The following TK2 variants were observed in gnomAD, a reference collection of about 807,000 sequenced individuals.
The protein encoded by TK2 is thymidine kinase 2, mitochondrial.
Under a neutral mutation model 41.9 loss-of-function variants are expected in TK2, and 35 were observed. The observed-to-expected ratio is 0.84, with a 90% CI of 0.64 to 1.11. The LOEUF (loss-of-function observed/expected upper bound fraction) is 1.11, where lower values mean the gene tolerates loss of function less well. TK2 is among the 50% of genes least tolerant of loss of function. The pLI is 0.00. For synonymous variants in TK2, 128 were observed against 129.1 expected, an observed-to-expected ratio of 0.99 and a Z score of 0.06; for missense variants, 320 against 351.1, an observed-to-expected ratio of 0.91 and a Z score of 0.71.
chr16:66,535,875 T>C (rs1309109935), intron 4 of TK2, among the ~76,000 whole-genome samples: 2 of 152,208 alleles, frequency 1.3e-5, no homozygotes, highest in African/African-American at 2.4e-5. Flanking sequence ...CAGAGTCTAA[T>C]GAACCACACA....
At chr16:66,549,410 G>A in intron 1 of TK2, 3 of 1,091,908 alleles carry the variant, frequency 2.7e-6, no homozygotes, top group Non-Finnish European at 3.3e-6. Flanking sequence ...GCCCAGGGCG[G>A]GCATCGCTGC....
chr16:66,530,742 G>C lies in TK2; in HGVS notation c.375+638C>G, dbSNP rs532845042. Reference sequence around the variant, plus strand: ...TTTCTTTTTTTTTTTTTTTGAGACAGAGTCTCACTCTGTCACCCAGGCTGG... The same window carrying C: ...TTTCTTTTTTTTTTTTTTTGAGACACAGTCTCACTCTGTCACCCAGGCTGG... On this transcript the variant is annotated intron_variant, in intron 5 of 9. Coordinates refer to ENST00000544898, the MANE Select transcript of TK2 (RefSeq NM_004614.5). Among the ~76,000 whole-genome samples, 12 of 148,812 alleles carry C rather than the reference G, an allele frequency of 8.1e-5. No individual in the cohort carries two copies. In the East Asian group the frequency reaches 2.4e-3, roughly 29 times the overall value.
chr16:66,517,047 T>G lies in TK2; in HGVS notation c.618+89A>C. On this transcript the variant is annotated intron_variant, in intron 8 of 9. Transcript: ENST00000544898. The surrounding 1 kb of genome is among the most constrained non-coding windows in gnomAD (Gnocchi z 4.3). The stretch of plus-strand genomic sequence containing the variant: ...CTCTCTGCAAACAAGGGCACAATGA[T>G]CTCATGGGGGTGGGGCCGGGAGAGG... 1 of 1,098,922 alleles carries G rather than the reference T, an allele frequency of 9.1e-7. No homozygotes were observed. Among genetic ancestry groups the G allele is most frequent in the East Asian group, 2.4e-5 (1 of 42,410 alleles). 68.1% of individuals were successfully genotyped at this position (1,098,922 alleles called of 1,614,324 possible). A position where few individuals can be genotyped will look rare whatever the true frequency, so the allele number is the denominator to read the frequency against.
At chr16:66,516,646 T>A (rs1350086149) in intron 8 of TK2, among the ~76,000 whole-genome samples, 2 of 151,950 alleles carry the variant, frequency 1.3e-5, no homozygotes, top group African/African-American at 4.8e-5. Flanking sequence ...TGAGCAGAAC[T>A]CAGAAGGGCA....
At chr16:66,544,386 C>T (rs1965543463) in intron 2 of TK2, among the ~76,000 whole-genome samples, 1 of 152,216 alleles carries the variant, frequency 6.6e-6, no homozygotes, top group African/African-American at 2.4e-5. Flanking sequence ...AATCCCAATA[C>T]TAAGAGATAA....
rs1008736835 is a variant in TK2 at position 66,510,050 on chromosome 16, A to C, written c.*1918T>G. On this transcript the variant is annotated 3_prime_UTR_variant, in exon 10 of 10. Coordinates refer to ENST00000544898, the MANE Select transcript of TK2 (RefSeq NM_004614.5). Reference sequence around the variant, plus strand: ...GGAGTTTGAAAAATAAAAACACGTTAATCTACTGGCAAAAGCAGCTGGCAG... The same window carrying C: ...GGAGTTTGAAAAATAAAAACACGTTCATCTACTGGCAAAAGCAGCTGGCAG... The C allele has an allele frequency of 1.3e-5, 2 of 152,182 alleles. No homozygotes were observed. Among genetic ancestry groups the C allele is most frequent in the African/African-American group, 2.4e-5 (1 of 41,426 alleles). 9.4% of individuals were successfully genotyped at this position (152,182 alleles called of 1,614,324 possible).
chr16:66,511,651 G>C lies in TK2; in HGVS notation c.*317C>G, dbSNP rs539934078. On this transcript the variant is annotated 3_prime_UTR_variant, in exon 10 of 10. Coordinates refer to ENST00000544898, the MANE Select transcript of TK2 (RefSeq NM_004614.5). ...GATTGGTACACAGCTCCAGCGTGGT[G>C]TCAGGCACACAACAGGTGCTCTCCC... 79 of 441,850 alleles carry C rather than the reference G, an allele frequency of 1.8e-4. 2 individuals are homozygous for C. The highest frequency in any genetic ancestry group is 1.6e-3 in the South Asian group (79 of 48,048). The allele number at this position is 441,850 out of a possible 1,614,324, so 27.4% of individuals were successfully genotyped here.
chr16:66,534,243 C>G (rs973834949), intron 4 of TK2, among the ~76,000 whole-genome samples: 1 of 152,074 alleles, frequency 6.6e-6, no homozygotes, highest in Non-Finnish European at 1.5e-5. Flanking sequence ...CCCCTTCAAC[C>G]CTGGACTTCT....
intron 6 of TK2, among the ~76,000 whole-genome samples, chr16:66,520,323 C>G (rs1567527837): frequency 6.6e-6 from 1 of 152,166 alleles, no homozygotes; most frequent in East Asian, 1.9e-4. Flanking sequence ...GTAGCCCATT[C>G]TTTATTCAGG....
chr16:66,544,050 CTTT>C (rs1965534635), intron 2 of TK2, among the ~76,000 whole-genome samples: 2 of 152,166 alleles, frequency 1.3e-5, no homozygotes. Flanking sequence ...ACTCTACAGT[CTTT>C]TTTCTTTCCT....
rs1459759920 is a variant in TK2 at position 66,511,952 on chromosome 16, A to G, written c.*16T>C. The stretch of plus-strand genomic sequence containing the variant: ...AGCAGGCATTTTTCAGACATGAGCC[A>G]TAGACCTTTTGCCTCCTATGGGCAA... On this transcript the variant is annotated 3_prime_UTR_variant, in exon 10 of 10. Transcript: ENST00000544898. The G allele has an allele frequency of 1.2e-6, 2 of 1,612,638 alleles. No individual in the cohort carries two copies. Among genetic ancestry groups the G allele is most frequent in the African/African-American group, 2.7e-5 (2 of 74,924 alleles).
chr16:66,549,765 G>C (rs1965727455), intron 1 of TK2, 173 bp downstream of exon 1: 1 of 1,278,892 alleles, frequency 7.8e-7, no homozygotes, highest in South Asian at 2.9e-5. Flanking sequence ...CGCTCGCTGC[G>C]GTCTCGCGCC....
At chr16:66,539,204 C>T (rs1363881950) in intron 3 of TK2, among the ~76,000 whole-genome samples, 1 of 152,108 alleles carries the variant, frequency 6.6e-6, no homozygotes, top group Non-Finnish European at 1.5e-5. Flanking sequence ...CCCCAAGCCC[C>T]CCCTCCTCCC....
intron 1 of TK2, chr16:66,549,350 G>A (rs1214614689): frequency 7.0e-6 from 8 of 1,148,896 alleles, no homozygotes; most frequent in East Asian, 5.6e-5. Flanking sequence ...GCACGGGGAA[G>A]AGTGGGCGGC....
chr16:66,535,314 G>C (rs1336376638), intron 4 of TK2, among the ~76,000 whole-genome samples: 1 of 152,176 alleles, frequency 6.6e-6, no homozygotes, highest in Non-Finnish European at 1.5e-5. Context: ...AGGACACTAA[G>C]ACTTCTGAGG....
At chr16:66,533,955 C>A (rs1208536968) in intron 4 of TK2, among the ~76,000 whole-genome samples, 3 of 145,612 alleles carry the variant, frequency 2.1e-5, no homozygotes, top group African/African-American at 7.8e-5. Flanking sequence ...TTGCAGTGAG[C>A]CGAGATCGCG....
Position 66,511,649 on chromosome 16 carries a change from G to A in TK2, c.*319C>T, listed in dbSNP as rs140637387. The A allele has an allele frequency of 2.3e-6, 1 of 438,220 alleles. No homozygotes were observed. Among genetic ancestry groups the A allele is most frequent in the Non-Finnish European group, 4.3e-6 (1 of 234,750 alleles). 27.1% of individuals were successfully genotyped at this position (438,220 alleles called of 1,614,324 possible). A position where few individuals can be genotyped will look rare whatever the true frequency, so the allele number is the denominator to read the frequency against. On this transcript the variant is annotated 3_prime_UTR_variant, in exon 10 of 10. Coordinates refer to ENST00000544898, the MANE Select transcript of TK2 (RefSeq NM_004614.5). ...ACGATTGGTACACAGCTCCAGCGTGGTGTCAGGCACACAACAGGTGCTCTC... is the reference window on the plus strand; with the variant it reads ...ACGATTGGTACACAGCTCCAGCGTGATGTCAGGCACACAACAGGTGCTCTC...
At position 66,545,401 on chromosome 16, in the gene TK2, A is replaced by G. The variant is rs373167753; in HGVS notation, c.157-3448T>C. On this transcript the variant is annotated intron_variant, in intron 2 of 9. Coordinates refer to ENST00000544898, the MANE Select transcript of TK2 (RefSeq NM_004614.5). Reference sequence around the variant, plus strand: ...CCTGAGAAATCTGCAGTCAAAAGAAACTTGCCCAAACGTCTAACAACTGGC... The same window carrying G: ...CCTGAGAAATCTGCAGTCAAAAGAAGCTTGCCCAAACGTCTAACAACTGGC... Among the ~76,000 whole-genome samples the G allele has an allele frequency of 1.5e-4, 23 of 152,322 alleles. 1 individual carries two copies. The highest frequency in any genetic ancestry group is 6.8e-3 in the Middle Eastern group (2 of 294).
intron 4 of TK2, among the ~76,000 whole-genome samples, chr16:66,534,245 T>C (rs12447515): frequency 0.064 from 9,799 of 152,134 alleles, 470 homozygotes; most frequent in South Asian, 0.17. Flanking sequence ...CCTTCAACCC[T>C]GGACTTCTCA....
Sources: gnomAD v4.1 joint callset for allele counts (sites outside exome capture counted in the v4.1 genomes callset) on GRCh38, gnomAD v4.1.1 for gene constraint, Gnocchi (gnomAD v3.1) non-coding constraint, MANE v1.5 for transcripts, NCBI Gene and HGNC (gene_info 2026-07-23, HGNC 2026-07-21) for gene names.